FAM171B: variants seen among roughly 807,000 people sequenced by gnomAD.
FAM171B encodes family with sequence similarity 171 member B, also known as protein FAM171B.
A neutral mutation model predicts 75.6 loss-of-function variants in FAM171B; 19 were observed. The ratio of observed to expected loss-of-function variants is 0.25; its 90% CI spans 0.18 to 0.37. The LOEUF is 0.37. Ranked by LOEUF, FAM171B falls within the 10% of genes least tolerant of loss-of-function variation. FAM171B has a pLI of 1.00. For missense variants in FAM171B, 848 were observed against 982.4 expected, an observed-to-expected ratio of 0.86 and a Z score of 1.83; for synonymous variants, 367 against 361.7, an observed-to-expected ratio of 1.01 and a Z score of -0.17.
chr2:186,704,360 C>T (rs1325177554), intron 1 of FAM171B, among the ~76,000 whole-genome samples: 1 of 152,004 alleles, frequency 6.6e-6, no homozygotes, highest in East Asian at 1.9e-4. Context: ...GAAGTATTCC[C>T]TTCCCGGGTT....
chr2:186,742,939 G>T (rs1179098804), intron 2 of FAM171B, among the ~76,000 whole-genome samples: 2 of 152,064 alleles, frequency 1.3e-5, no homozygotes, highest in Admixed American at 6.5e-5. Context: ...ACTACTAAAG[G>T]TTGCCTTTGA....
At chr2:186,745,301 T>A (rs1425978416) in intron 3 of FAM171B, among the ~76,000 whole-genome samples, 1 of 152,220 alleles carries the variant, frequency 6.6e-6, no homozygotes, top group Non-Finnish European at 1.5e-5. Flanking sequence ...TTTTGATGCA[T>A]CTCTGCCCCT....
At chr2:186,726,549 T>A (rs1351256055) in intron 1 of FAM171B, among the ~76,000 whole-genome samples, 7 of 152,166 alleles carry the variant, frequency 4.6e-5, no homozygotes. Context: ...TTCTGAACTT[T>A]CAGCCCTCAT....
chr2:186,709,295 C>T (rs1689778577), intron 1 of FAM171B, among the ~76,000 whole-genome samples: 1 of 152,138 alleles, frequency 6.6e-6, no homozygotes, highest in Non-Finnish European at 1.5e-5. Flanking sequence ...AAACTTCATC[C>T]AGTAGTCTCT....
At chr2:186,713,300 C>T (rs13393382) in intron 1 of FAM171B, among the ~76,000 whole-genome samples, 82 of 152,324 alleles carry the variant, frequency 5.4e-4, no homozygotes, top group South Asian at 1.7e-3. Context: ...AGAGCATGGA[C>T]TTTAGTGTGA....
chr2:186,739,400 A>G (rs565532021), intron 1 of FAM171B, among the ~76,000 whole-genome samples: 2 of 152,306 alleles, frequency 1.3e-5, no homozygotes, highest in Admixed American at 1.3e-4. Context: ...TTGTAATAAC[A>G]CTTAGCTTAA....
intron 1 of FAM171B, 55 bp from the exon 2 acceptor site, chr2:186,740,173 T>A (rs914469959): frequency 1.7e-5 from 21 of 1,266,956 alleles, no homozygotes; most frequent in Non-Finnish European, 2.2e-5. Flanking sequence ...TTAAAGACTA[T>A]GACATATGCA....
intron 2 of FAM171B, 145 bp from the exon 3 acceptor site, chr2:186,743,338 C>A: frequency 1.7e-6 from 1 of 581,686 alleles, no homozygotes. Context: ...ATTCATTCTT[C>A]CTTTGTTTTG....
At chr2:186,722,864 C>G (rs1305815040) in intron 1 of FAM171B, among the ~76,000 whole-genome samples, 2 of 152,130 alleles carry the variant, frequency 1.3e-5, no homozygotes, top group Non-Finnish European at 2.9e-5. Flanking sequence ...TTGTGCAGCT[C>G]AAAATAGTAA....
At chr2:186,740,581 G>C (rs569735169) in intron 2 of FAM171B, 120 bp downstream of exon 2, 1 of 854,508 alleles carries the variant, frequency 1.2e-6, no homozygotes, top group African/African-American at 1.7e-5. Context: ...GTCAACATAA[G>C]GAGGTTACAA....
At chr2:186,760,741 T>C (rs1690601743) in intron 6 of FAM171B, among the ~76,000 whole-genome samples, 1 of 151,958 alleles carries the variant, frequency 6.6e-6, no homozygotes, top group African/African-American at 2.4e-5. Flanking sequence ...TCATGAGTGT[T>C]TCAGGATTGT....
intron 1 of FAM171B, among the ~76,000 whole-genome samples, chr2:186,718,092 T>C (rs984835040): frequency 1.3e-4 from 20 of 152,214 alleles, no homozygotes; most frequent in Admixed American, 8.5e-4. Flanking sequence ...ATTTGCCAGA[T>C]CCGAAATGCT....
intron 1 of FAM171B, among the ~76,000 whole-genome samples, chr2:186,736,742 T>C (rs1690208862): frequency 6.6e-6 from 1 of 151,356 alleles, no homozygotes; most frequent in Non-Finnish European, 1.5e-5. Flanking sequence ...TTGAAATGTC[T>C]TTGTTATGAT....
chr2:186,721,531 A>C (rs1689954000), intron 1 of FAM171B, among the ~76,000 whole-genome samples: 1 of 152,232 alleles, frequency 6.6e-6, no homozygotes, highest in Admixed American at 6.5e-5. Flanking sequence ...CTAAGACAAT[A>C]AAGTGAACAA....
In FAM171B at chr2:186,740,406, T is replaced by C. The variant is rs1352121456; in HGVS notation, c.417T>C (p.Ala139=). 6.2e-7 allele frequency: 1 copy of C among 1,613,912 alleles called. No homozygotes were observed. Among genetic ancestry groups the C allele is most frequent in the East Asian group, 2.2e-5 (1 of 44,886 alleles). Residue 139 remains alanine, a synonymous_variant, in exon 2 of 8, where the codon GCT becomes GCC. Coordinates refer to ENST00000304698, the MANE Select transcript of FAM171B (RefSeq NM_177454.4). The part of the protein sequence containing the change: ...YKLGLSLTII[A]YKDGYVLTPL... ...TAGGACTTAGTTTAACTATTATTGC[T>C]TACAAAGATGGCTACGTGTTGACCC... is the stretch of plus-strand genomic sequence containing the variant.
intron 1 of FAM171B, among the ~76,000 whole-genome samples, chr2:186,709,733 C>T (rs951301130): frequency 3.9e-5 from 6 of 152,158 alleles, no homozygotes; most frequent in South Asian, 2.1e-4. Context: ...TATCATGAAA[C>T]GACTTCTCTT....
At chr2:186,758,326 G>C (rs951950108) in intron 6 of FAM171B, among the ~76,000 whole-genome samples, 1 of 152,174 alleles carries the variant, frequency 6.6e-6, no homozygotes, top group Admixed American at 6.6e-5. Flanking sequence ...CACTTTGGCT[G>C]TAAAGTCTAC....
At chr2:186,756,695 G>C (rs1376884508) in intron 6 of FAM171B, among the ~76,000 whole-genome samples, 1 of 152,084 alleles carries the variant, frequency 6.6e-6, no homozygotes, top group Non-Finnish European at 1.5e-5. Flanking sequence ...TCTACCTACA[G>C]TTTGCGTCAG....
intron 1 of FAM171B, among the ~76,000 whole-genome samples, chr2:186,730,187 T>A (rs1338021325): frequency 6.6e-6 from 1 of 152,194 alleles, no homozygotes; most frequent in Non-Finnish European, 1.5e-5. Flanking sequence ...TCTCAATCTC[T>A]TGACCTCGTG....
Sources: gnomAD v4.1 joint callset for allele counts (sites outside exome capture counted in the v4.1 genomes callset) on GRCh38, gnomAD v4.1.1 for gene constraint, MANE v1.5 for transcripts, NCBI Gene and HGNC (gene_info 2026-07-23, HGNC 2026-07-21) for gene names.